CAPN10: variants seen among roughly 807,000 people sequenced by gnomAD.
CAPN10 encodes calpain 10, also known as calpain-10.
A neutral mutation model predicts 78.4 loss-of-function variants in CAPN10; 71 were observed. The ratio of observed to expected loss-of-function variants is 0.91; its 90% CI spans 0.75 to 1.10. CAPN10 has a LOEUF of 1.10. Among genes scored for constraint, CAPN10 ranks in the 50% least tolerant of loss-of-function variants. The pLI, the probability that CAPN10 is intolerant of heterozygous loss-of-function variation, is 0.00. For missense variants in CAPN10, 849 were observed against 924.6 expected (o/e 0.92, Z 1.06); for synonymous variants, 437 against 407.2 (o/e 1.07, Z -0.88).
At chr2:240,588,868 G>C (rs906379164) in intron 1 of CAPN10, among the ~76,000 whole-genome samples, 1 of 152,132 alleles carries the variant, frequency 6.6e-6, no homozygotes, top group African/African-American at 2.4e-5. Flanking sequence ...AGAGGGTCAG[G>C]TCCAGAAGCA....
chr2:240,595,840 TGGG>T, intron 7 of CAPN10: 1 of 834,204 alleles, frequency 1.2e-6, no homozygotes, highest in South Asian at 1.4e-5. Context: ...GAAGAACAGA[TGGG>T]GGCGCCTGAG....
Position 240,595,106 on chromosome 2 carries a change from C to G in CAPN10, c.1080C>G (p.Gly360=). ...CAGGAGGCTGCCGGAACAACAGCGG[C>G]TTTCCCAGCAACCCCAAATTCTGGC... The part of the protein sequence containing the change: ...QSAGGCRNNS[G]FPSNPKFWLR... The change falls in exon 7 of 12, where the codon GGC becomes GGG. Residue 360 remains glycine (G), a synonymous_variant. Transcript: ENST00000391984. The G allele has an allele frequency of 6.2e-7, 1 of 1,613,922 alleles. No homozygotes were observed. The highest frequency in any genetic ancestry group is 8.5e-7 in the Non-Finnish European group (1 of 1,180,020).
At chr2:240,593,115 C>G (rs1415559954) in intron 4 of CAPN10, among the ~76,000 whole-genome samples, 2 of 152,204 alleles carry the variant, frequency 1.3e-5, no homozygotes. Context: ...CTCAGAGCCT[C>G]CCACCTGGGA....
chr2:240,591,238 C>G (rs2093100004), intron 3 of CAPN10: 1 of 546,914 alleles, frequency 1.8e-6, no homozygotes, highest in Admixed American at 3.2e-5. Context: ...GTTCCAAAGC[C>G]CAGCGTGGAG....
chr2:240,591,926 C>T lies in CAPN10; in HGVS notation c.471-7C>T, dbSNP rs752707841. On this transcript the variant is annotated splice_polypyrimidine_tract_variant and splice_region_variant and intron_variant, in intron 3 of 11. Coordinates refer to ENST00000391984, the MANE Select transcript of CAPN10 (RefSeq NM_023083.4). ...AGGCTCACTCCCATGGTGATTGTGT[C>T]CCCTAGGGTCCATGGGTCCTACGAG... is the stretch of plus-strand genomic sequence containing the variant. 1.4e-5 allele frequency: 22 copies of T among 1,610,844 alleles called. No individual in the cohort carries two copies. Among genetic ancestry groups the T allele is most frequent in the Admixed American group, 3.3e-5 (2 of 59,794 alleles).
intron 1 of CAPN10, among the ~76,000 whole-genome samples, chr2:240,588,197 C>A (rs1039111563): frequency 6.6e-6 from 1 of 152,112 alleles, no homozygotes; most frequent in South Asian, 2.1e-4. Flanking sequence ...TTTGCTCTCA[C>A]GTCTTCAGGT....
Position 240,591,015 on chromosome 2 carries a change from C to G in CAPN10, c.470+4C>G. 2 of 1,612,686 alleles carry G rather than the reference C, an allele frequency of 1.2e-6. No individual in the cohort carries two copies. The highest frequency in any genetic ancestry group is 1.7e-6 in the Non-Finnish European group (2 of 1,179,088). On this transcript the variant is annotated splice_donor_region_variant and intron_variant, in intron 3 of 11. Coordinates refer to ENST00000391984, the MANE Select transcript of CAPN10 (RefSeq NM_023083.4). Reference sequence around the variant, plus strand: ...TACTGGAAAAGGTCTACGCCAAGTGCGTGTGCTGGGGGCTGAAGGGCCTGG... The same window carrying G: ...TACTGGAAAAGGTCTACGCCAAGTGGGTGTGCTGGGGGCTGAAGGGCCTGG...
chr2:240,596,914 T>G lies in CAPN10; in HGVS notation c.1715T>G (p.Phe572Cys). ...CACTGCCGGCCCAGTGACACCGAGT[T>G]CCACCCCATCGGCTTCCATATCTTC... The part of the protein sequence containing the change: ...HQHCRPSDTE[F>C]HPIGFHIFQV... Residue 572 changes from phenylalanine (F) to cysteine (C), a missense_variant, in exon 9 of 12, where the codon TTC (phenylalanine) becomes TGC (cysteine). By Grantham distance (205) the Phe-to-Cys change is radical (BLOSUM62 -2). Coordinates refer to ENST00000391984, the MANE Select transcript of CAPN10 (RefSeq NM_023083.4). 6.2e-7 allele frequency: 1 copy of G among 1,613,530 alleles called. No individual in the cohort carries two copies. Among genetic ancestry groups the G allele is most frequent in the Non-Finnish European group, 8.5e-7 (1 of 1,180,032 alleles).
intron 6 of CAPN10, 92 bp downstream of exon 6, chr2:240,594,801 GTTT>G: frequency 9.2e-7 from 1 of 1,082,658 alleles, no homozygotes; most frequent in South Asian, 2.0e-5. Flanking sequence ...CCCAGGCCCA[GTTT>G]GGTTCTCTTC....
intron 4 of CAPN10, 125 bp from the exon 5 acceptor site, chr2:240,593,781 C>A: frequency 8.6e-7 from 1 of 1,167,286 alleles, no homozygotes; most frequent in Non-Finnish European, 1.2e-6. Context: ...TCTGGGGTCT[C>A]CCGTGTAGCC....
At chr2:240,594,171 C>T in intron 5 of CAPN10, 124 bp downstream of exon 5, 1 of 1,049,902 alleles carries the variant, frequency 9.5e-7, no homozygotes, top group Non-Finnish European at 1.3e-6. Context: ...GCCCCTGAGT[C>T]CCTGCTCTCG....
chr2:240,598,287 A>G (rs2093150430), intron 10 of CAPN10, 65 bp from the exon 11 acceptor site: 2 of 1,569,806 alleles, frequency 1.3e-6, no homozygotes, highest in African/African-American at 1.3e-5. Context: ...GAGGTGGGCC[A>G]GGAGCACACA....
At chr2:240,597,065 G>A (rs540808644) in intron 9 of CAPN10, 123 bp downstream of exon 9, 9 of 1,227,450 alleles carry the variant, frequency 7.3e-6, no homozygotes, top group South Asian at 6.7e-5. Flanking sequence ...CCTGCCCTTC[G>A]AGGCGCTGCC....
At position 240,596,954 on chromosome 2, in the gene CAPN10, GCCCC is replaced by G; in HGVS notation, c.1743+13_1743+16del. ...TCCATATCTTCCAGGCAAGCTCCTT[GCCCC>G]AGGGAGGGAGGGGGAGCAGAAGGGG... On this transcript the variant is annotated intron_variant, in intron 9 of 11. Coordinates refer to ENST00000391984, the MANE Select transcript of CAPN10 (RefSeq NM_023083.4). The G allele has an allele frequency of 6.2e-7, 1 of 1,613,382 alleles. No individual in the cohort carries two copies. The highest frequency in any genetic ancestry group is 8.5e-7 in the Non-Finnish European group (1 of 1,180,024).
Position 240,597,964 on chromosome 2 carries a change from GC to G in CAPN10, c.1821del (p.Tyr608ThrfsTer5). 6.2e-7 allele frequency: 1 copy of G among 1,612,960 alleles called. No individual in the cohort carries two copies. Among genetic ancestry groups the G allele is most frequent in the Non-Finnish European group, 8.5e-7 (1 of 1,179,930 alleles). ...QEPLLSCVPH[R>X]YAQEVSRLCL... ...CCGCTGCTGAGCTGCGTGCCACATC[GC>G]TACGCCCAGGAGGTGAGCCGGCTCT... On this transcript the variant is annotated frameshift_variant, in exon 10 of 12. Coordinates refer to ENST00000391984, the MANE Select transcript of CAPN10 (RefSeq NM_023083.4). LOFTEE classifies it high-confidence loss of function.
In CAPN10 at chr2:240,597,939, C is replaced by T. The variant is rs1171740931; in HGVS notation, c.1795C>T (p.Pro599Ser). The change falls in exon 10 of 12, where the codon CCG becomes TCG. Residue 599 changes from proline (P) to serine (S), a missense_variant. Pro to Ser is a moderately conservative substitution (Grantham distance 74, BLOSUM62 -1). Coordinates refer to ENST00000391984, the MANE Select transcript of CAPN10 (RefSeq NM_023083.4). Reference sequence around the variant, plus strand: ...CGCACCCCCACTGCTGCTGCAGGAGCCGCTGCTGAGCTGCGTGCCACATCG... The same window carrying T: ...CGCACCCCCACTGCTGCTGCAGGAGTCGCTGCTGAGCTGCGTGCCACATCG... ...QDAPPLLLQE[P>S]LLSCVPHRYA... The T allele has an allele frequency of 6.2e-7, 1 of 1,612,360 alleles. No individual in the cohort carries two copies. Among genetic ancestry groups the T allele is most frequent in the Non-Finnish European group, 8.5e-7 (1 of 1,179,778 alleles).
chr2:240,594,473 C>T (rs2093123063), intron 5 of CAPN10, 70 bp from the exon 6 acceptor site: 1 of 1,513,506 alleles, frequency 6.6e-7, no homozygotes, highest in South Asian at 1.2e-5. Context: ...CAGGCTTCCC[C>T]CCAGCCTGCC....
Position 240,594,570 on chromosome 2 carries a change from A to G in CAPN10, c.858A>G (p.Ala286=). The change falls in exon 6 of 12, where the codon GCA becomes GCG. Residue 286 remains alanine (A), a synonymous_variant. Coordinates refer to ENST00000391984, the MANE Select transcript of CAPN10 (RefSeq NM_023083.4). ...EGGEGWSQVD[A]AVASELLSQL... is the part of the protein sequence containing the mutation. The stretch of plus-strand genomic sequence containing the variant: ...GTGAAGGGTGGAGCCAGGTAGATGC[A>G]GCGGTAGCATCTGAGCTCCTGTCCC... 6.2e-7 allele frequency: 1 copy of G among 1,613,706 alleles called. No individual in the cohort carries two copies. The highest frequency in any genetic ancestry group is 8.5e-7 in the Non-Finnish European group (1 of 1,179,874).
Position 240,595,216 on chromosome 2 carries a change from G to A in CAPN10, c.1190G>A (p.Arg397Gln), listed in dbSNP as rs778834356. 1.7e-5 allele frequency: 27 copies of A among 1,613,554 alleles called. No individual in the cohort carries two copies. The highest frequency in any genetic ancestry group is 1.6e-4 in the South Asian group (15 of 91,088). The change falls in exon 7 of 12, where the codon CGG becomes CAG. Residue 397 changes from arginine (R) to glutamine (Q), a missense_variant. Physicochemically the swap from Arg to Gln is conservative, Grantham distance 43. Coordinates refer to ENST00000391984, the MANE Select transcript of CAPN10 (RefSeq NM_023083.4). ...LHAADWAGRA[R>Q]ALVGDSHTSW... is the part of the protein sequence containing the mutation. The stretch of plus-strand genomic sequence containing the variant: ...GCGGCGGACTGGGCAGGCCGGGCCC[G>A]GGCACTGGTGGGTGACAGTCATACT...
Sources: gnomAD v4.1 joint callset for allele counts (sites outside exome capture counted in the v4.1 genomes callset) on GRCh38, gnomAD v4.1.1 for gene constraint, MANE v1.5 for transcripts, NCBI Gene and HGNC (gene_info 2026-07-23, HGNC 2026-07-21) for gene names.